Variants in BBX observed in about 807,000 individuals in gnomAD.
BBX encodes BBX high mobility group box domain containing, also known as HMG box transcription factor BBX.
In BBX, 30 loss-of-function variants were observed where a neutral mutation model predicts 100.2. The ratio of observed to expected loss-of-function variants is 0.30; its 90% confidence interval spans 0.22 to 0.41. The LOEUF (loss-of-function observed/expected upper bound fraction) is 0.41, where lower values mean the gene tolerates loss of function less well. Ranked by LOEUF, BBX falls within the 10% of genes least tolerant of loss-of-function variation. BBX has a pLI of 1.00. For missense variants in BBX, 1,023 were observed against 1,129.8 expected (o/e 0.91, Z 1.35); for synonymous variants, 376 against 388.1 (o/e 0.97, Z 0.37).
At chr3:107,599,549 A>G (rs952970665) in intron 2 of BBX, 2 of 152,130 alleles carry the variant, frequency 1.3e-5, no homozygotes, top group African/African-American at 4.8e-5. Flanking sequence ...TGTTATAACC[A>G]GCTCTGTAGA....
Position 107,748,006 on chromosome 3 carries a change from G to A in BBX, c.792G>A (p.Gln264=). ...STSHSDASTK[Q]CQTSALFQFA... ...CCCACTCTGATGCTTCTACAAAGCA[G>A]TGTCAAACATCTGCCTTGTTTCAGT... Residue 264 remains glutamine, a synonymous_variant, in exon 9 of 18, where the codon CAG becomes CAA. Transcript: ENST00000325805. 2 of 1,613,628 alleles carry A rather than the reference G, an allele frequency of 1.2e-6. No individual in the cohort carries two copies. The highest frequency in any genetic ancestry group is 8.5e-7 in the Non-Finnish European group (1 of 1,179,752).
chr3:107,573,553 C>G (rs1271361491), intron 2 of BBX, among the ~76,000 whole-genome samples: 6 of 151,954 alleles, frequency 3.9e-5, no homozygotes, highest in Admixed American at 2.6e-4. Flanking sequence ...GAGTGAGACT[C>G]CGTCTCAAAA....
At position 107,805,823 on chromosome 3, in the gene BBX, T is replaced by A; in HGVS notation, c.*366T>A. ...GAGAGTGTGAAACTAGTTTCATATA[T>A]TACCTAGTTATTCTTTCAAAACAAA... On this transcript the variant is annotated 3_prime_UTR_variant, in exon 18 of 18. Coordinates refer to ENST00000325805, the MANE Select transcript of BBX (RefSeq NM_001142568.3). 1 of 267,262 alleles carries A rather than the reference T, an allele frequency of 3.7e-6. No homozygotes were observed. The allele number at this position is 267,262 out of a possible 1,614,324, so 16.6% of individuals were successfully genotyped here. A position where few individuals can be genotyped will look rare whatever the true frequency, so the allele number is the denominator to read the frequency against.
intron 15 of BBX, among the ~76,000 whole-genome samples, chr3:107,793,091 G>C (rs1433084548): frequency 2.0e-5 from 3 of 151,976 alleles, no homozygotes; most frequent in African/African-American, 7.2e-5. Flanking sequence ...TTAGAGATTG[G>C]GTGAATGATG....
intron 3 of BBX, among the ~76,000 whole-genome samples, chr3:107,686,215 C>G (rs1386338190): frequency 6.6e-6 from 1 of 152,100 alleles, no homozygotes; most frequent in Non-Finnish European, 1.5e-5. Context: ...TTAACTTACC[C>G]TCTTGTGGAT....
At chr3:107,709,122 C>T (rs9838703) in intron 3 of BBX, among the ~76,000 whole-genome samples, 58,216 of 151,734 alleles carry the variant, frequency 0.38, 12,399 homozygotes, top group East Asian at 0.92. Flanking sequence ...GTATAGTTGG[C>T]TAGCTATTTT....
chr3:107,607,654 T>A (rs1278531355), intron 2 of BBX, among the ~76,000 whole-genome samples: 1 of 152,200 alleles, frequency 6.6e-6, no homozygotes, highest in Non-Finnish European at 1.5e-5. Context: ...CCATAGTGGT[T>A]GTACTGATTT....
At chr3:107,606,445 A>G (rs1473534814) in intron 2 of BBX, among the ~76,000 whole-genome samples, 1 of 152,180 alleles carries the variant, frequency 6.6e-6, no homozygotes, top group Non-Finnish European at 1.5e-5. Context: ...GTGTTCCTTC[A>G]TAGTTTGGAA....
chr3:107,794,847 CT>C (rs1304662408), intron 15 of BBX, among the ~76,000 whole-genome samples: 1 of 152,150 alleles, frequency 6.6e-6, no homozygotes, highest in Non-Finnish European at 1.5e-5. Flanking sequence ...AGCAATGCTG[CT>C]TTCCCAAAAA....
intron 7 of BBX, among the ~76,000 whole-genome samples, chr3:107,738,923 A>G (rs1264065869): frequency 6.6e-6 from 1 of 152,218 alleles, no homozygotes; most frequent in East Asian, 1.9e-4. Context: ...AACTTCTCAA[A>G]GGTCGTAGAA....
At chr3:107,670,378 G>A (rs2058958337) in intron 3 of BBX, among the ~76,000 whole-genome samples, 2 of 152,076 alleles carry the variant, frequency 1.3e-5, no homozygotes, top group Admixed American at 1.3e-4. Flanking sequence ...TTGAATGACT[G>A]TAGTTAATAA....
chr3:107,776,182 G>T (rs1204315911), intron 12 of BBX: 1 of 152,166 alleles, frequency 6.6e-6, no homozygotes, highest in Non-Finnish European at 1.5e-5. Flanking sequence ...TATGTAGGCA[G>T]TGTGAGGTCC....
At chr3:107,767,444 T>G (rs1471645880) in intron 10 of BBX, among the ~76,000 whole-genome samples, 1 of 152,144 alleles carries the variant, frequency 6.6e-6, no homozygotes, top group African/African-American at 2.4e-5. Flanking sequence ...AATTTAGGTT[T>G]CCAACAACAG....
intron 12 of BBX, among the ~76,000 whole-genome samples, chr3:107,777,769 G>A (rs78636635): frequency 3.3e-5 from 5 of 152,188 alleles, no homozygotes; most frequent in African/African-American, 4.8e-5. Flanking sequence ...TGAATATTTT[G>A]TCTTCATTCT....
rs373928938 is a variant in BBX, at chr3:107,674,111, G to A, written c.-10+28202G>A. 1.4e-4 allele frequency among the ~76,000 whole-genome samples: 21 copies of A among 152,224 alleles called. No individual in the cohort carries two copies. In the East Asian group the frequency reaches 1.5e-3, roughly 11 times the overall value. On this transcript the variant is annotated intron_variant, in intron 3 of 17. Transcript: ENST00000325805. ...GATACATTTTTCAAGGGAAAAGAAC[G>A]TGTCAGTAAATCATCTGTAGTCCCT... is the stretch of plus-strand genomic sequence containing the variant.
chr3:107,719,763 C>T (rs1002305072), intron 5 of BBX, among the ~76,000 whole-genome samples: 6 of 151,940 alleles, frequency 3.9e-5, no homozygotes, highest in African/African-American at 1.2e-4. Flanking sequence ...TGTGACTGCC[C>T]GTTAGGAGAT....
chr3:107,635,857 G>A (rs1039822404), intron 2 of BBX, among the ~76,000 whole-genome samples: 15 of 151,790 alleles, frequency 9.9e-5, no homozygotes, highest in East Asian at 7.8e-4. Flanking sequence ...GATTACAGGC[G>A]CCTGCCACTA....
chr3:107,675,327 T>C (rs543188031), intron 3 of BBX, among the ~76,000 whole-genome samples: 1 of 152,294 alleles, frequency 6.6e-6, no homozygotes, highest in African/African-American at 2.4e-5. Flanking sequence ...CATCATGTTT[T>C]GAGCACCTGC....
At position 107,778,367 on chromosome 3, in the gene BBX, A is replaced by G; in HGVS notation, c.2055-4A>G. On this transcript the variant is annotated splice_region_variant and splice_polypyrimidine_tract_variant and intron_variant, in intron 12 of 17. Coordinates refer to ENST00000325805, the MANE Select transcript of BBX (RefSeq NM_001142568.3). ...TGATTGATTCCCCTCTCCCCTTTTA[A>G]TAGCTCCGCAAAGCTGGATGAAGAA... The G allele has an allele frequency of 6.2e-7, 1 of 1,613,104 alleles. No homozygotes were observed. The highest frequency in any genetic ancestry group is 8.5e-7 in the Non-Finnish European group (1 of 1,179,366).
Sources: allele counts gnomAD v4.1 joint callset (sites outside exome capture counted in the v4.1 genomes callset), GRCh38; gene constraint gnomAD v4.1.1; transcripts MANE v1.5; gene names NCBI Gene and HGNC (gene_info 2026-07-23, HGNC 2026-07-21).